Variants in KLRG1 observed in about 807,000 individuals in gnomAD.
KLRG1 encodes killer cell lectin like receptor G1.
KLRG1 carries 16 observed loss-of-function variants against 21.8 expected under a neutral mutation model. The ratio of observed to expected loss-of-function variants is 0.73; its 90% CI spans 0.50 to 1.11. KLRG1 has a LOEUF of 1.11. Ranked by LOEUF, KLRG1 falls within the 50% of genes most tolerant of loss-of-function variation. The pLI is 0.00. For synonymous variants in KLRG1, 69 were observed against 75.9 expected (o/e 0.91, Z 0.47); for missense variants, 173 against 218.3 (o/e 0.79, Z 1.31).
At chr12:9,080,920 A>G in the KLRG1 span, among the ~76,000 whole-genome samples, 1 of 152,312 alleles carries the variant, frequency 6.6e-6, no homozygotes, top group Non-Finnish European at 1.5e-5. Context: ...TAAGCAAAAT[A>G]AAATGCTTGA....
the KLRG1 span, among the ~76,000 whole-genome samples, chr12:9,134,359 G>A: frequency 9.9e-4 from 151 of 152,128 alleles, 2 homozygotes; most frequent in African/African-American, 3.5e-3. Context: ...ATTTACTTCG[G>A]TTGCTACAAG....
At chr12:9,040,615 A>G in the KLRG1 span, among the ~76,000 whole-genome samples, 1 of 152,224 alleles carries the variant, frequency 6.6e-6, no homozygotes, top group African/African-American at 2.4e-5. Context: ...ATTCTTCTGA[A>G]TCACTTTCAG....
chr12:9,120,887 T>TA, the KLRG1 span, among the ~76,000 whole-genome samples: 1 of 51,776 alleles, frequency 1.9e-5, no homozygotes, highest in East Asian at 7.0e-4. Flanking sequence ...GTGTGTGTAT[T>TA]TTTTTTTTTC....
the KLRG1 span, among the ~76,000 whole-genome samples, chr12:9,119,598 T>C: frequency 4.6e-5 from 7 of 152,166 alleles, no homozygotes; most frequent in Admixed American, 4.6e-4. Context: ...GTGAAAGGAA[T>C]ATTTCTTTAG....
chr12:8,955,315 A>G (rs1376239233), intron 1 of KLRG1, among the ~76,000 whole-genome samples: 2 of 151,692 alleles, frequency 1.3e-5, no homozygotes, highest in Non-Finnish European at 2.9e-5. Flanking sequence ...CATCCAAGAA[A>G]ATTTCCTCAT....
chr12:9,117,064 A>G, the KLRG1 span, among the ~76,000 whole-genome samples: 25 of 152,302 alleles, frequency 1.6e-4, no homozygotes, highest in African/African-American at 6.0e-4. Context: ...AAGTATGAGT[A>G]GTGGTTGTCT....
At chr12:9,114,290 A>C in the KLRG1 span, among the ~76,000 whole-genome samples, 3 of 152,198 alleles carry the variant, frequency 2.0e-5, no homozygotes, top group Admixed American at 1.3e-4. Context: ...TCAACCCTGT[A>C]GTTTTTATAC....
At chr12:9,084,760 C>T in the KLRG1 span, among the ~76,000 whole-genome samples, 9 of 151,732 alleles carry the variant, frequency 5.9e-5, no homozygotes, top group East Asian at 3.9e-4. Context: ...AAAACAGGAC[C>T]GAAACATATG....
intron 2 of KLRG1, 42 bp downstream of exon 2, chr12:8,992,352 T>A: frequency 7.2e-7 from 1 of 1,383,080 alleles, no homozygotes; most frequent in Non-Finnish European, 1.0e-6. Context: ...TCATTTTATA[T>A]TATAAAAGCA....
the KLRG1 span, among the ~76,000 whole-genome samples, chr12:9,168,168 C>G: frequency 1.3e-5 from 2 of 152,108 alleles, no homozygotes; most frequent in African/African-American, 4.8e-5. Context: ...CTTGAAGAGC[C>G]ATTAGTCAAA....
At chr12:9,208,382 C>A in the KLRG1 span, 2 of 1,540,312 alleles carry the variant, frequency 1.3e-6, no homozygotes, top group South Asian at 2.2e-5. Context: ...ACTCTCTGCC[C>A]TCAGCCTCGC....
the KLRG1 span, among the ~76,000 whole-genome samples, chr12:9,087,042 A>T: frequency 2.0e-5 from 3 of 152,218 alleles, no homozygotes; most frequent in Non-Finnish European, 4.4e-5. Flanking sequence ...CAATAGCTAT[A>T]AACAATATGT....
the KLRG1 span, among the ~76,000 whole-genome samples, chr12:9,096,010 C>T: frequency 2.0e-5 from 3 of 151,980 alleles, no homozygotes; most frequent in South Asian, 2.1e-4. Context: ...CCACCCGCCT[C>T]GGCCTCCCAA....
At chr12:8,977,697 A>G (rs1012203049) in intron 1 of KLRG1, among the ~76,000 whole-genome samples, 1 of 151,350 alleles carries the variant, frequency 6.6e-6, no homozygotes, top group Non-Finnish European at 1.5e-5. Context: ...GATGATTTTT[A>G]TAGTGAATTG....
chr12:9,016,413 G>A, the KLRG1 span, among the ~76,000 whole-genome samples: 1 of 152,046 alleles, frequency 6.6e-6, no homozygotes, highest in Non-Finnish European at 1.5e-5. Flanking sequence ...TAGAAGAAAT[G>A]GATAAATTCC....
the KLRG1 span, chr12:9,158,372 A>G: frequency 1.2e-6 from 2 of 1,600,294 alleles, no homozygotes; most frequent in Admixed American, 1.7e-5. Flanking sequence ...CCCCTGGGGG[A>G]TGTTATGTTG....
the KLRG1 span, among the ~76,000 whole-genome samples, chr12:9,196,168 T>TC: frequency 6.6e-6 from 1 of 152,222 alleles, no homozygotes; most frequent in African/African-American, 2.4e-5. Flanking sequence ...TCTGTTTGTT[T>TC]CATCAGTGAT....
At chr12:9,003,389 A>T (rs1947363727) in intron 3 of KLRG1, among the ~76,000 whole-genome samples, 1 of 151,952 alleles carries the variant, frequency 6.6e-6, no homozygotes, top group Non-Finnish European at 1.5e-5. Context: ...AATATACTCA[A>T]ATTTTATATA....
At chr12:9,182,137 A>AGACAAAATGGTCATAAGTGG in the KLRG1 span, 1 of 1,611,172 alleles carries the variant, frequency 6.2e-7, no homozygotes, top group Non-Finnish European at 8.5e-7. Flanking sequence ...GGAGAGAGTG[A>AGACAAAATGGTCATAAGTGG]GACAAAATGG....
Sources: allele counts gnomAD v4.1 joint callset (sites outside exome capture counted in the v4.1 genomes callset), GRCh38; gene constraint gnomAD v4.1.1; transcripts MANE v1.5; gene names NCBI Gene and HGNC (gene_info 2026-07-23, HGNC 2026-07-21).